ADCY10: variants seen among roughly 807,000 people sequenced by gnomAD.
The protein encoded by ADCY10 is adenylate cyclase 10.
A neutral mutation model predicts 183.3 loss-of-function variants in ADCY10; 156 were observed. That is an observed-to-expected ratio of 0.85 (90% CI 0.75 to 0.97). The LOEUF (loss-of-function observed/expected upper bound fraction) is 0.97, where lower values mean the gene tolerates loss of function less well. Ranked by LOEUF, ADCY10 falls within the 50% of genes least tolerant of loss-of-function variation. The probability of loss-of-function intolerance (pLI) is 0.00; values close to 1 mark genes in which losing one functional copy is unlikely to be tolerated. For missense variants in ADCY10, 1,745 were observed against 1,934.3 expected, an observed-to-expected ratio of 0.90 and a Z score of 1.84; for synonymous variants, 645 against 670.0, an observed-to-expected ratio of 0.96 and a Z score of 0.58.
intron 14 of ADCY10, among the ~76,000 whole-genome samples, chr1:167,865,010 T>C (rs1198505279): frequency 7.2e-5 from 11 of 152,060 alleles, no homozygotes; most frequent in Non-Finnish European, 1.6e-4. Context: ...ATATTTGTAA[T>C]AAGTCAGAAA....
rs927916605 is a variant in ADCY10 at position 167,823,214 on chromosome 1, C to T, written c.4053-91G>A. On this transcript the variant is annotated intron_variant, in intron 28 of 32. Coordinates refer to ENST00000367851, the MANE Select transcript of ADCY10 (RefSeq NM_018417.6). ...GGCTGAGGTGGGTGGATCACGAGGT[C>T]AGGAGTTCGAGACCAGCCTGGCCAA... 5 of 1,058,858 alleles carry T rather than the reference C, an allele frequency of 4.7e-6. No homozygotes were observed. In the Admixed American group the frequency reaches 9.3e-5, roughly 20 times the overall value. The allele number at this position is 1,058,858 out of a possible 1,614,324, so 65.6% of individuals were successfully genotyped here. A position where few individuals can be genotyped will look rare whatever the true frequency, so the allele number is the denominator to read the frequency against.
intron 26 of ADCY10, among the ~76,000 whole-genome samples, chr1:167,828,096 T>A (rs1663450788): frequency 1.3e-5 from 2 of 152,344 alleles, no homozygotes; most frequent in South Asian, 4.1e-4. Flanking sequence ...GGATCCTATC[T>A]AGCTTACTAA....
At chr1:167,883,168 G>A (rs1235902723) in intron 9 of ADCY10, among the ~76,000 whole-genome samples, 1 of 152,236 alleles carries the variant, frequency 6.6e-6, no homozygotes, top group African/African-American at 2.4e-5. Flanking sequence ...CTCCTGAGTA[G>A]CTGAGATTAC....
intron 31 of ADCY10, among the ~76,000 whole-genome samples, chr1:167,815,247 A>G (rs989010116): frequency 2.0e-5 from 3 of 152,084 alleles, no homozygotes; most frequent in Admixed American, 1.3e-4. Flanking sequence ...ATATTGGAGG[A>G]AAAAAAATCT....
At chr1:167,903,125 G>A (rs551665231) in intron 3 of ADCY10, among the ~76,000 whole-genome samples, 10 of 151,928 alleles carry the variant, frequency 6.6e-5, no homozygotes, top group Non-Finnish European at 1.2e-4. Context: ...GCATGGTGGC[G>A]CACGCCTGTA....
chr1:167,908,866 A>G (rs982168257), intron 1 of ADCY10, among the ~76,000 whole-genome samples: 4 of 152,252 alleles, frequency 2.6e-5, no homozygotes, highest in African/African-American at 9.6e-5. Context: ...CGAGGTGCTA[A>G]AAAACTAGAT....
Position 167,840,956 on chromosome 1 carries a change from TTTG to T in ADCY10, c.3008-3641_3008-3639del, listed in dbSNP as rs201966300. 1.6e-3 allele frequency among the ~76,000 whole-genome samples: 193 copies of T among 122,538 alleles called. 1 individual carries two copies. Among genetic ancestry groups the T allele is most frequent in the Middle Eastern group, 3.8e-3 (1 of 264 alleles). 80.4% of individuals were successfully genotyped at this position (122,538 alleles called of 152,430 possible). The stretch of plus-strand genomic sequence containing the variant: ...AATAAAATGATTTTTTTTTTTTTTT[TTTG>T]AGACAGGGCCTTGTTCTGTCGCTCA... On this transcript the variant is annotated intron_variant, in intron 21 of 32. Coordinates refer to ENST00000367851, the MANE Select transcript of ADCY10 (RefSeq NM_018417.6).
intron 21 of ADCY10, among the ~76,000 whole-genome samples, chr1:167,844,291 G>A (rs1470773916): frequency 1.3e-5 from 2 of 152,082 alleles, no homozygotes; most frequent in Non-Finnish European, 2.9e-5. Context: ...AATCTTCATG[G>A]TCCAGATCCT....
chr1:167,899,009 A>G (rs550496912), intron 6 of ADCY10, among the ~76,000 whole-genome samples: 2 of 152,070 alleles, frequency 1.3e-5, no homozygotes, highest in African/African-American at 2.4e-5. Context: ...CACTTGCTCA[A>G]CTCCAACCTT....
intron 1 of ADCY10, 136 bp from the exon 2 acceptor site, chr1:167,905,334 T>C: frequency 2.9e-6 from 2 of 693,386 alleles, no homozygotes; most frequent in Non-Finnish European, 5.0e-6. Flanking sequence ...GAGCCACACT[T>C]CAAAAGGGCC....
intron 3 of ADCY10, 93 bp from the exon 4 acceptor site, chr1:167,902,147 A>G: frequency 1.6e-6 from 2 of 1,219,554 alleles, no homozygotes; most frequent in Non-Finnish European, 2.4e-6. Context: ...AACTAGGTCA[A>G]AAGAACAGTG....
chr1:167,899,384 G>C, intron 6 of ADCY10, 39 bp downstream of exon 6: 1 of 1,601,442 alleles, frequency 6.2e-7, no homozygotes, highest in East Asian at 2.2e-5. Flanking sequence ...TCTGTTACAG[G>C]CTGGCAGAAC....
intron 13 of ADCY10, 40 bp from the exon 14 acceptor site, chr1:167,870,450 C>A: frequency 6.6e-7 from 1 of 1,524,088 alleles, no homozygotes; most frequent in Non-Finnish European, 9.0e-7. Context: ...ACTCAATCAA[C>A]GTAAAATAGT....
chr1:167,851,197 T>C (rs900770864), intron 18 of ADCY10, among the ~76,000 whole-genome samples: 1 of 152,074 alleles, frequency 6.6e-6, no homozygotes, highest in African/African-American at 2.4e-5. Context: ...GTTTGTTTTG[T>C]TTTTTTGAGA....
intron 1 of ADCY10, among the ~76,000 whole-genome samples, chr1:167,910,454 G>A (rs1670077465): frequency 6.6e-6 from 1 of 152,208 alleles, no homozygotes; most frequent in African/African-American, 2.4e-5. Context: ...AACTGTGAAA[G>A]TTGTGGGGTA....
At chr1:167,905,695 A>G (rs1428771180) in intron 1 of ADCY10, among the ~76,000 whole-genome samples, 4 of 152,160 alleles carry the variant, frequency 2.6e-5, no homozygotes, top group Non-Finnish European at 5.9e-5. Context: ...GATTAAGACT[A>G]TAAAGGTATA....
Position 167,809,605 on chromosome 1 carries a change from A to G in ADCY10, c.*73T>C. The G allele has an allele frequency of 6.5e-7, 1 of 1,536,268 alleles. No individual in the cohort carries two copies. Among genetic ancestry groups the G allele is most frequent in the Non-Finnish European group, 9.0e-7 (1 of 1,110,256 alleles). ...ATTATGTAGGAACCTGGAGTGGGCC[A>G]GCCACGGAGAAAGGTCAATAATAGA... is the stretch of plus-strand genomic sequence containing the variant. On this transcript the variant is annotated 3_prime_UTR_variant, in exon 33 of 33. Coordinates refer to ENST00000367851, the MANE Select transcript of ADCY10 (RefSeq NM_018417.6).
intron 26 of ADCY10, among the ~76,000 whole-genome samples, chr1:167,825,300 A>G (rs1239152297): frequency 6.7e-6 from 1 of 150,020 alleles, no homozygotes; most frequent in East Asian, 2.0e-4. Context: ...AAAAGAAAGA[A>G]AGGTTGGTTT....
At chr1:167,833,733 A>G (rs1264666447) in intron 24 of ADCY10, among the ~76,000 whole-genome samples, 2 of 147,414 alleles carry the variant, frequency 1.4e-5, no homozygotes, top group African/African-American at 2.6e-5. Flanking sequence ...CAACACAGCA[A>G]GACTCCCTCT....
Sources: allele counts gnomAD v4.1 joint callset (sites outside exome capture counted in the v4.1 genomes callset), GRCh38; gene constraint gnomAD v4.1.1; transcripts MANE v1.5; gene names NCBI Gene and HGNC (gene_info 2026-07-23, HGNC 2026-07-21).